The following NBEA variants were observed in gnomAD, a reference collection of about 807,000 sequenced individuals.
NBEA encodes neurobeachin, also known as lysosomal-trafficking regulator 2.
NBEA carries 44 observed loss-of-function variants against 343.4 expected under a neutral mutation model. The observed-to-expected ratio is 0.13, with a 90% CI of 0.10 to 0.16. The LOEUF is 0.16. NBEA is among the 10% of genes least tolerant of loss of function. The pLI is 1.00. For missense variants in NBEA, 2,555 were observed against 3,631.3 expected (o/e 0.70, Z 7.62); for synonymous variants, 1,175 against 1,238.7 (o/e 0.95, Z 1.08).
intron 16 of NBEA, among the ~76,000 whole-genome samples, 172 bp downstream of exon 16, chr13:35,118,646 G>C (rs2066628972): frequency 6.6e-6 from 1 of 152,120 alleles, no homozygotes. Context: ...CTGATGAAGT[G>C]TATAAACAGT....
intron 10 of NBEA, among the ~76,000 whole-genome samples, chr13:35,086,110 C>T (rs1270127141): frequency 6.6e-6 from 1 of 152,070 alleles, no homozygotes; most frequent in African/African-American, 2.4e-5. Context: ...ACATTCCATG[C>T]TCATGGGTAG....
At chr13:35,268,702 C>T (rs2033889594) in intron 34 of NBEA, among the ~76,000 whole-genome samples, 1 of 151,900 alleles carries the variant, frequency 6.6e-6, no homozygotes, top group African/African-American at 2.4e-5. Flanking sequence ...ATATTCATTT[C>T]CAGTCTTTTT....
rs1024105371 is a variant in NBEA at position 35,229,765 on chromosome 13, G to A, written c.5649-2727G>A. Among the ~76,000 whole-genome samples the A allele has an allele frequency of 2.6e-5, 4 of 152,062 alleles. 1 individual carries two copies. The highest frequency in any genetic ancestry group is 5.9e-5 in the Non-Finnish European group (4 of 67,998). ...AGGCGATAAAGGAGGTTCTTAGGCT[G>A]AAGTTTATGTTTGTACCATTTTCTT... On this transcript the variant is annotated intron_variant, in intron 33 of 58. Coordinates refer to ENST00000379939, the MANE Select transcript of NBEA (RefSeq NM_001385012.1).
chr13:35,449,822 T>G (rs546269212), intron 39 of NBEA, among the ~76,000 whole-genome samples: 2 of 152,218 alleles, frequency 1.3e-5, no homozygotes, highest in Admixed American at 6.5e-5. Context: ...CAATGTAGCA[T>G]TGATTTGTCA....
At chr13:35,086,352 A>G (rs1452043935) in intron 10 of NBEA, among the ~76,000 whole-genome samples, 2 of 151,994 alleles carry the variant, frequency 1.3e-5, no homozygotes, top group African/African-American at 4.8e-5. Flanking sequence ...GTTGCAAACT[A>G]TAGTCACTCT....
At chr13:35,514,959 T>C (rs1255451073) in intron 41 of NBEA, among the ~76,000 whole-genome samples, 1 of 152,212 alleles carries the variant, frequency 6.6e-6, no homozygotes, top group Non-Finnish European at 1.5e-5. Context: ...GATAAGTCCG[T>C]GTAATTCCCC....
intron 31 of NBEA, among the ~76,000 whole-genome samples, chr13:35,203,595 T>C (rs2073167330): frequency 6.6e-6 from 1 of 152,180 alleles, no homozygotes; most frequent in Admixed American, 6.6e-5. Context: ...TCTCCAGAAC[T>C]TACGTCAGTT....
intron 41 of NBEA, among the ~76,000 whole-genome samples, chr13:35,550,098 G>C (rs1460062424): frequency 6.6e-6 from 1 of 152,128 alleles, no homozygotes; most frequent in African/African-American, 2.4e-5. Context: ...TGACCATATG[G>C]ACACTTTGGG....
intron 45 of NBEA, among the ~76,000 whole-genome samples, chr13:35,580,030 A>C (rs1381243187): frequency 6.6e-6 from 1 of 152,156 alleles, no homozygotes; most frequent in African/African-American, 2.4e-5. Flanking sequence ...TGATTCTTCA[A>C]TATTGGAAAC....
intron 38 of NBEA, among the ~76,000 whole-genome samples, chr13:35,405,111 T>C (rs1220064077): frequency 6.6e-6 from 1 of 152,140 alleles, no homozygotes; most frequent in Non-Finnish European, 1.5e-5. Context: ...ATTGTTATGT[T>C]TGAAAAGAAA....
At chr13:35,553,761 G>A (rs61949205) in intron 43 of NBEA, among the ~76,000 whole-genome samples, 25,668 of 152,098 alleles carry the variant, frequency 0.17, 2,838 homozygotes, top group Middle Eastern at 0.37. Flanking sequence ...GGAGTCCTGC[G>A]ATATCACAGT....
chr13:35,128,704 C>T (rs1178513783), intron 17 of NBEA, among the ~76,000 whole-genome samples: 1 of 152,062 alleles, frequency 6.6e-6, no homozygotes, highest in Non-Finnish European at 1.5e-5. Flanking sequence ...AGCAACTCAT[C>T]TAAAGGGGCC....
At chr13:35,402,541 A>G (rs1431904996) in intron 38 of NBEA, among the ~76,000 whole-genome samples, 1 of 152,134 alleles carries the variant, frequency 6.6e-6, no homozygotes, top group Non-Finnish European at 1.5e-5. Context: ...TGACATGTGT[A>G]GGAAAAGAAC....
chr13:35,364,322 T>G (rs2040984656), intron 38 of NBEA, among the ~76,000 whole-genome samples: 1 of 151,742 alleles, frequency 6.6e-6, no homozygotes, highest in South Asian at 2.1e-4. Context: ...GCACTGAAAA[T>G]AGTTTGAAGA....
At chr13:35,463,642 G>C (rs1456263866) in intron 40 of NBEA, among the ~76,000 whole-genome samples, 4 of 151,982 alleles carry the variant, frequency 2.6e-5, no homozygotes, top group African/African-American at 7.2e-5. Flanking sequence ...ACCAGAAAAA[G>C]TTGCAGACTT....
intron 41 of NBEA, among the ~76,000 whole-genome samples, chr13:35,487,642 C>G (rs1309509693): frequency 6.6e-6 from 1 of 151,826 alleles, no homozygotes; most frequent in Non-Finnish European, 1.5e-5. Flanking sequence ...ATTGCACTTA[C>G]AACAGTTCTA....
rs1243293675 is a variant in NBEA, at chr13:35,575,737, A to G, written c.7036-8161A>G. On this transcript the variant is annotated intron_variant, in intron 45 of 58. Coordinates refer to ENST00000379939, the MANE Select transcript of NBEA (RefSeq NM_001385012.1). ...CCTAATATTATCTAACACTGTGCCT[A>G]TAATCAAGGTTTTCTAATTATCTCC... Among the ~76,000 whole-genome samples the G allele has an allele frequency of 2.6e-5, 4 of 152,146 alleles. No homozygotes were observed. In the East Asian group the frequency reaches 5.8e-4, roughly 22 times the overall value.
At chr13:35,206,055 G>T (rs927058335) in intron 31 of NBEA, among the ~76,000 whole-genome samples, 1 of 151,902 alleles carries the variant, frequency 6.6e-6, no homozygotes, top group African/African-American at 2.4e-5. Flanking sequence ...TGAAATATCT[G>T]GAGGCTTTCA....
intron 31 of NBEA, among the ~76,000 whole-genome samples, chr13:35,206,198 A>G (rs1360580949): frequency 1.3e-5 from 2 of 152,112 alleles, no homozygotes; most frequent in African/African-American, 4.8e-5. Flanking sequence ...TTTTCCTAAT[A>G]TAACTTATTT....
Sources: gnomAD v4.1 joint callset for allele counts (sites outside exome capture counted in the v4.1 genomes callset) on GRCh38, gnomAD v4.1.1 for gene constraint, MANE v1.5 for transcripts, NCBI Gene and HGNC (gene_info 2026-07-23, HGNC 2026-07-21) for gene names.